The following SNX31 variants were observed in gnomAD, a reference collection of about 807,000 sequenced individuals.
The protein encoded by SNX31 is sorting nexin 31, also known as sorting nexin-31.
A neutral mutation model predicts 65.4 loss-of-function variants in SNX31; 58 were observed. The ratio of observed to expected loss-of-function variants is 0.89; its 90% CI spans 0.72 to 1.10. The LOEUF (loss-of-function observed/expected upper bound fraction) is 1.10. Ranked by LOEUF, SNX31 falls within the 50% of genes least tolerant of loss-of-function variation. The pLI is 0.00. For missense variants in SNX31, 523 were observed against 529.7 expected (o/e 0.99, Z 0.12); for synonymous variants, 181 against 190.1 (o/e 0.95, Z 0.39).
intron 1 of SNX31, chr8:100,663,014 A>C (rs1302351290): frequency 1.3e-5 from 2 of 152,260 alleles, no homozygotes; most frequent in Non-Finnish European, 2.9e-5. Context: ...AAATTAATGC[A>C]GGAACAGAAA....
chr8:100,646,579 C>A (rs1469302887), intron 2 of SNX31, among the ~76,000 whole-genome samples: 1 of 152,144 alleles, frequency 6.6e-6, no homozygotes, highest in East Asian at 1.9e-4. Flanking sequence ...TCTGATATTT[C>A]CAGCTTTCTA....
intron 2 of SNX31, among the ~76,000 whole-genome samples, chr8:100,640,181 G>T (rs2131246362): frequency 6.6e-6 from 1 of 152,304 alleles, no homozygotes; most frequent in African/African-American, 2.4e-5. Flanking sequence ...AGGCTGGAGT[G>T]CAATGGTGCC....
intron 2 of SNX31, among the ~76,000 whole-genome samples, chr8:100,638,594 G>A (rs1359470131): frequency 2.0e-5 from 3 of 152,202 alleles, no homozygotes; most frequent in African/African-American, 7.2e-5. Context: ...GCAGTTATTT[G>A]TGTGACTTAA....
chr8:100,582,400 T>A (rs565697725), intron 12 of SNX31: 1 of 152,204 alleles, frequency 6.6e-6, no homozygotes, highest in East Asian at 1.9e-4. Flanking sequence ...AGAGGGTCCA[T>A]CCTGCCTGAG....
At chr8:100,599,432 A>G (rs537048315) in intron 9 of SNX31, among the ~76,000 whole-genome samples, 82 of 152,162 alleles carry the variant, frequency 5.4e-4, no homozygotes, top group Middle Eastern at 6.8e-3. Flanking sequence ...TTACAAACAC[A>G]CAGAGAAACT....
intron 9 of SNX31, among the ~76,000 whole-genome samples, chr8:100,597,282 C>A (rs1272696108): frequency 6.6e-6 from 1 of 151,846 alleles, no homozygotes; most frequent in African/African-American, 2.4e-5. Flanking sequence ...CGTTCTATCA[C>A]CCAGGCTGGC....
intron 10 of SNX31, among the ~76,000 whole-genome samples, chr8:100,592,517 C>T (rs1434894321): frequency 6.6e-6 from 1 of 152,198 alleles, no homozygotes; most frequent in African/African-American, 2.4e-5. Context: ...CCCTCCACTG[C>T]TGCTGGGGAT....
At position 100,600,400 on chromosome 8, in the gene SNX31, C is replaced by T. The variant is rs749492416; in HGVS notation, c.723G>A (p.Gln241=). 4 of 1,613,618 alleles carry T rather than the reference C, an allele frequency of 2.5e-6. No individual in the cohort carries two copies. In the Admixed American group the frequency reaches 5.0e-5, roughly 20 times the overall value. The stretch of plus-strand genomic sequence containing the variant: ...AAGCTTCTAATTTCTGCCTCTGTGC[C>T]TGTGTGGGTTTGGCCCATCCTTTTT... The part of the protein sequence containing the change: ...DIEKGWAKPT[Q]AQRQKLEAFQ... The change falls in exon 9 of 14, where the codon CAG becomes CAA. Residue 241 remains glutamine, a synonymous_variant. Transcript: ENST00000311812.
In SNX31 at chr8:100,612,928, C is replaced by T; in HGVS notation, c.523+67G>A. The T allele has an allele frequency of 7.2e-7, 1 of 1,380,816 alleles. No homozygotes were observed. The highest frequency in any genetic ancestry group is 1.0e-6 in the Non-Finnish European group (1 of 968,106). 85.5% of individuals were successfully genotyped at this position (1,380,816 alleles called of 1,614,324 possible). A position where few individuals can be genotyped will look rare whatever the true frequency, so the allele number is the denominator to read the frequency against. Reference sequence around the variant, plus strand: ...GTGGCCAGCCCCTCAGCTGTGACTCCTATGAGCCCCTGCTCACACCTGTCC... The same window carrying T: ...GTGGCCAGCCCCTCAGCTGTGACTCTTATGAGCCCCTGCTCACACCTGTCC... On this transcript the variant is annotated intron_variant, in intron 6 of 13. Coordinates refer to ENST00000311812, the MANE Select transcript of SNX31 (RefSeq NM_152628.4). The surrounding 1 kb of genome is among the most constrained non-coding windows in gnomAD (Gnocchi z 4.3).
chr8:100,623,517 C>T (rs1454851015), intron 4 of SNX31, among the ~76,000 whole-genome samples: 10 of 152,186 alleles, frequency 6.6e-5, no homozygotes, highest in Non-Finnish European at 1.5e-5. Context: ...TCCCTCCTTC[C>T]CACCAGCTAA....
intron 2 of SNX31, among the ~76,000 whole-genome samples, chr8:100,640,838 C>A (rs1186831368): frequency 6.6e-6 from 1 of 152,094 alleles, no homozygotes; most frequent in Non-Finnish European, 1.5e-5. Flanking sequence ...ACAAGAGGAA[C>A]TTAAGGAGAC....
chr8:100,632,252 T>C (rs1347159070), intron 3 of SNX31, among the ~76,000 whole-genome samples: 1 of 152,120 alleles, frequency 6.6e-6, no homozygotes, highest in Admixed American at 6.5e-5. Context: ...AGCACGGTGA[T>C]CATCTGTGAA....
chr8:100,646,186 G>A (rs1587090768), intron 2 of SNX31, among the ~76,000 whole-genome samples: 1 of 152,096 alleles, frequency 6.6e-6, no homozygotes, highest in East Asian at 1.9e-4. Context: ...TAACATGCGC[G>A]GGAGTCTTAC....
rs759197345 is a variant in SNX31, at chr8:100,584,074, C to A, written c.1170+37G>T. 13 of 1,582,406 alleles carry A rather than the reference C, an allele frequency of 8.2e-6. No individual in the cohort carries two copies. In the South Asian group the frequency reaches 1.0e-4, roughly 13 times the overall value. ...TCCAACTGTTGGCTGATAGTGGGAA[C>A]GTAAAGTGAAAAATAGACACAGATA... is the stretch of plus-strand genomic sequence containing the variant. On this transcript the variant is annotated intron_variant, in intron 12 of 13. Transcript: ENST00000311812.
At chr8:100,606,116 C>T (rs1055767644) in intron 8 of SNX31, among the ~76,000 whole-genome samples, 1 of 151,722 alleles carries the variant, frequency 6.6e-6, no homozygotes, top group Non-Finnish European at 1.5e-5. Flanking sequence ...TCTTAAGTGA[C>T]CTCCGCCTTC....
Position 100,573,030 on chromosome 8 carries a change from A to G in SNX31, c.*835T>C, listed in dbSNP as rs1457983170. The G allele has an allele frequency of 6.6e-6, 1 of 152,578 alleles. No homozygotes were observed. The highest frequency in any genetic ancestry group is 1.5e-5 in the Non-Finnish European group (1 of 68,030). The allele number at this position is 152,578 out of a possible 1,614,324, so 9.5% of individuals were successfully genotyped here. On this transcript the variant is annotated 3_prime_UTR_variant, in exon 14 of 14. Transcript: ENST00000311812. Reference sequence around the variant, plus strand: ...TGTGGTCTTAATTCTATACATAATTACATTAATTACCATGAGAGAAATGAA... The same window carrying G: ...TGTGGTCTTAATTCTATACATAATTGCATTAATTACCATGAGAGAAATGAA...
At chr8:100,653,121 C>T (rs982341095), upstream of SNX31, among the ~76,000 whole-genome samples, 18 of 152,144 alleles carry the variant, frequency 1.2e-4, no homozygotes, top group Non-Finnish European at 2.1e-4. Flanking sequence ...GAGGTTCAGA[C>T]GAGTGAGTCA....
chr8:100,659,226 A>G (rs1488330512), intron 1 of SNX31, among the ~76,000 whole-genome samples: 2 of 151,956 alleles, frequency 1.3e-5, no homozygotes, highest in East Asian at 3.9e-4. Flanking sequence ...GGCACCTGTA[A>G]TCCTAGCTAC....
At chr8:100,586,342 C>G (rs1175436736) in intron 11 of SNX31, among the ~76,000 whole-genome samples, 1 of 152,226 alleles carries the variant, frequency 6.6e-6, no homozygotes, top group Non-Finnish European at 1.5e-5. Flanking sequence ...GTGTGTACAA[C>G]TATTATATAT....
Sources: gnomAD v4.1 joint callset for allele counts (sites outside exome capture counted in the v4.1 genomes callset) on GRCh38, gnomAD v4.1.1 for gene constraint, Gnocchi (gnomAD v3.1) non-coding constraint, MANE v1.5 for transcripts, NCBI Gene and HGNC (gene_info 2026-07-23, HGNC 2026-07-21) for gene names.